Variants in OSBPL1A observed in about 807,000 individuals in gnomAD.
OSBPL1A encodes the protein oxysterol binding protein like 1A.
OSBPL1A carries 80 observed loss-of-function variants against 137.1 expected under a neutral mutation model. The observed-to-expected ratio is 0.58, with a 90% CI of 0.49 to 0.70. The LOEUF (loss-of-function observed/expected upper bound fraction) is 0.70. Ranked by LOEUF, OSBPL1A falls within the 30% of genes least tolerant of loss-of-function variation. The pLI, the probability that OSBPL1A is intolerant of heterozygous loss-of-function variation, is 0.00. For synonymous variants in OSBPL1A, 365 were observed against 389.7 expected, an observed-to-expected ratio of 0.94 and a Z score of 0.75; for missense variants, 970 against 1,129.4, an observed-to-expected ratio of 0.86 and a Z score of 2.02.
intron 18 of OSBPL1A, among the ~76,000 whole-genome samples, chr18:24,189,695 T>C (rs1423216159): frequency 6.6e-6 from 1 of 152,214 alleles, no homozygotes; most frequent in Non-Finnish European, 1.5e-5. Flanking sequence ...CATCTATTAG[T>C]TTATCACTGC....
intron 1 of OSBPL1A, among the ~76,000 whole-genome samples, chr18:24,394,858 G>T (rs560567725): frequency 1.3e-5 from 2 of 152,134 alleles, no homozygotes; most frequent in Non-Finnish European, 2.9e-5. Flanking sequence ...CTTGCAGGCT[G>T]ATAAATAAAA....
At chr18:24,327,580 TTA>T (rs2091004729) in intron 7 of OSBPL1A, among the ~76,000 whole-genome samples, 1 of 152,050 alleles carries the variant, frequency 6.6e-6, no homozygotes, top group Non-Finnish European at 1.5e-5. Context: ...CGGCTAATTT[TTA>T]TATTTTAGTA....
rs2089737777 is a variant in OSBPL1A, at chr18:24,272,093, A to C, written c.1281+8749T>G. On this transcript the variant is annotated intron_variant, in intron 15 of 27. Coordinates refer to ENST00000319481, the MANE Select transcript of OSBPL1A (RefSeq NM_080597.4). The stretch of plus-strand genomic sequence containing the variant: ...CTGGCGGGCGGAGGCGCAGGTAGGG[A>C]CCGCCGGGGAAGCCTGCACGGCCCT... 3 of 982,496 alleles carry C rather than the reference A, an allele frequency of 3.1e-6. No individual in the cohort carries two copies. In the South Asian group the frequency reaches 1.4e-4, roughly 46 times the overall value. 60.9% of individuals were successfully genotyped at this position (982,496 alleles called of 1,614,324 possible).
chr18:24,372,178 G>A (rs529455364), intron 2 of OSBPL1A, among the ~76,000 whole-genome samples: 2 of 151,944 alleles, frequency 1.3e-5, no homozygotes, highest in East Asian at 3.9e-4. Flanking sequence ...CAGAGGCTGA[G>A]GTGGGAGGAT....
intron 2 of OSBPL1A, 109 bp from the exon 3 acceptor site, chr18:24,368,481 G>C (rs946910363): frequency 2.7e-5 from 21 of 780,908 alleles, no homozygotes; most frequent in Non-Finnish European, 4.3e-5. Flanking sequence ...GCAATGCATT[G>C]CTGATAAGTG....
At chr18:24,316,483 C>T (rs972863227) in intron 11 of OSBPL1A, among the ~76,000 whole-genome samples, 9 of 151,800 alleles carry the variant, frequency 5.9e-5, no homozygotes, top group African/African-American at 1.9e-4. Flanking sequence ...AGACACCATG[C>T]GAACAGTAAA....
At chr18:24,302,888 GA>G (rs1330309492) in intron 14 of OSBPL1A, 1 of 152,176 alleles carries the variant, frequency 6.6e-6, no homozygotes, top group Non-Finnish European at 1.5e-5. Context: ...TTTTATGGAT[GA>G]GGGCACTGAA....
intron 1 of OSBPL1A, among the ~76,000 whole-genome samples, chr18:24,378,176 T>G (rs574511681): frequency 6.6e-6 from 1 of 152,114 alleles, no homozygotes; most frequent in East Asian, 1.9e-4. Flanking sequence ...ATATTACAAA[T>G]AGCAATTCCC....
intron 16 of OSBPL1A, among the ~76,000 whole-genome samples, chr18:24,228,002 C>T (rs2088142741): frequency 6.6e-6 from 1 of 152,046 alleles, no homozygotes; most frequent in African/African-American, 2.4e-5. Flanking sequence ...TTAGCAAAAG[C>T]AGACATAAAC....
intron 17 of OSBPL1A, among the ~76,000 whole-genome samples, chr18:24,202,128 A>C (rs965682990): frequency 2.0e-5 from 3 of 152,114 alleles, no homozygotes; most frequent in African/African-American, 7.2e-5. Context: ...GGGAGGTGTC[A>C]TCTCTTTCAT....
chr18:24,359,430 G>A (rs1282534476), intron 4 of OSBPL1A, among the ~76,000 whole-genome samples: 2 of 152,076 alleles, frequency 1.3e-5, no homozygotes, highest in African/African-American at 4.8e-5. Context: ...TGGGCGTGGT[G>A]GCTCATGCCT....
At position 24,377,553 on chromosome 18, in the gene OSBPL1A, T is replaced by C. The variant is rs994180684; in HGVS notation, c.-2-18A>G. 5 of 1,574,822 alleles carry C rather than the reference T, an allele frequency of 3.2e-6. No homozygotes were observed. The highest frequency in any genetic ancestry group is 4.3e-6 in the Non-Finnish European group (5 of 1,165,744). On this transcript the variant is annotated intron_variant, in intron 1 of 27. Coordinates refer to ENST00000319481, the MANE Select transcript of OSBPL1A (RefSeq NM_080597.4). ...GTTCATTTCTAAATTAAGAAAATAA[T>C]AACATTGCTATTATTTAAGAACATA... is the stretch of plus-strand genomic sequence containing the variant.
intron 1 of OSBPL1A, among the ~76,000 whole-genome samples, chr18:24,397,187 T>G (rs1004413892): frequency 6.6e-6 from 1 of 152,220 alleles, no homozygotes; most frequent in African/African-American, 2.4e-5. Flanking sequence ...CCCTTGGATA[T>G]TCGTTCATGC....
chr18:24,324,420 C>A, intron 7 of OSBPL1A, among the ~76,000 whole-genome samples: 1 of 48,414 alleles, frequency 2.1e-5, no homozygotes, highest in Non-Finnish European at 4.1e-5. Context: ...CTGTCTTGCC[C>A]TCTCCCTCCC....
chr18:24,354,506 G>T (rs1293442817), intron 4 of OSBPL1A, among the ~76,000 whole-genome samples: 1 of 152,090 alleles, frequency 6.6e-6, no homozygotes, highest in East Asian at 1.9e-4. Flanking sequence ...GAAGCCTGAG[G>T]TGCACTGGAA....
chr18:24,357,100 A>G (rs1396054959), intron 4 of OSBPL1A: 1 of 152,250 alleles, frequency 6.6e-6, no homozygotes, highest in African/African-American at 2.4e-5. Flanking sequence ...AACATTGTCA[A>G]TCAAGAAAAA....
intron 4 of OSBPL1A, among the ~76,000 whole-genome samples, chr18:24,361,026 T>C (rs1333011377): frequency 1.3e-5 from 2 of 152,180 alleles, no homozygotes; most frequent in Non-Finnish European, 2.9e-5. Flanking sequence ...TTTAGAAGTG[T>C]GGTAATTTTC....
intron 15 of OSBPL1A, among the ~76,000 whole-genome samples, chr18:24,276,591 G>A (rs1424099046): frequency 1.3e-5 from 2 of 151,956 alleles, no homozygotes; most frequent in African/African-American, 4.8e-5. Flanking sequence ...TTACAGGCAT[G>A]TGCCACCACA....
At position 24,342,878 on chromosome 18, in the gene OSBPL1A, G is replaced by A. The variant is rs116079346; in HGVS notation, c.283-1220C>T. On this transcript the variant is annotated intron_variant, in intron 4 of 27. Transcript: ENST00000319481. ...ATATTTGAGTATTATTATATAAAAT[G>A]TACTACCACATTAAAAAAACAGGAA... 2.7e-3 allele frequency among the ~76,000 whole-genome samples: 411 copies of A among 151,622 alleles called. 1 individual carries two copies. Among genetic ancestry groups the A allele is most frequent in the African/African-American group, 9.4e-3 (389 of 41,362 alleles).
Sources: gnomAD v4.1 joint callset for allele counts (sites outside exome capture counted in the v4.1 genomes callset) on GRCh38, gnomAD v4.1.1 for gene constraint, MANE v1.5 for transcripts, NCBI Gene and HGNC (gene_info 2026-07-23, HGNC 2026-07-21) for gene names.